ACP7: variants seen among roughly 807,000 people sequenced by gnomAD.
ACP7 encodes acid phosphatase 7, tartrate resistant (putative), also known as acid phosphatase type 7.
A neutral mutation model predicts 60.6 loss-of-function variants in ACP7; 58 were observed. The ratio of observed to expected loss-of-function variants is 0.96; its 90% CI spans 0.77 to 1.19. ACP7 has a LOEUF of 1.19. ACP7 is among the 50% of genes most tolerant of loss of function. ACP7 has a pLI of 0.00. For missense variants in ACP7, 574 were observed against 596.2 expected (o/e 0.96, Z 0.39); for synonymous variants, 237 against 232.6 (o/e 1.02, Z -0.17).
chr19:39,106,937 C>T lies in ACP7; in HGVS notation c.1114-10C>T, dbSNP rs1262827030. On this transcript the variant is annotated splice_polypyrimidine_tract_variant and intron_variant, in intron 11 of 12. Coordinates refer to ENST00000331256, the MANE Select transcript of ACP7 (RefSeq NM_001004318.3). Reference sequence around the variant, plus strand: ...CCTGCTCTGGGTCTGATCAGTTCTCCCCGCCCCAGGGCTGTGAGGAGCGGC... The same window carrying T: ...CCTGCTCTGGGTCTGATCAGTTCTCTCCGCCCCAGGGCTGTGAGGAGCGGC... 1.2e-6 allele frequency: 2 copies of T among 1,613,432 alleles called. No individual in the cohort carries two copies. Among genetic ancestry groups the T allele is most frequent in the South Asian group, 2.2e-5 (2 of 91,024 alleles).
chr19:39,085,502 C>G, intron 2 of ACP7, 112 bp downstream of exon 2: 1 of 1,338,764 alleles, frequency 7.5e-7, no homozygotes, highest in East Asian at 2.5e-5. Context: ...TGGCTCATTC[C>G]TCCTGAGCCT....
intron 2 of ACP7, among the ~76,000 whole-genome samples, chr19:39,086,490 G>C (rs1298657454): frequency 6.6e-6 from 1 of 150,620 alleles, no homozygotes; most frequent in African/African-American, 2.4e-5. Flanking sequence ...AAATTAGCTG[G>C]GCATGGTGGC....
chr19:39,101,537 T>C lies in ACP7; in HGVS notation c.1113T>C (p.Ala371=), dbSNP rs1393218311. 6.8e-6 allele frequency: 11 copies of C among 1,613,680 alleles called. No individual in the cohort carries two copies. Among genetic ancestry groups the C allele is most frequent in the Non-Finnish European group, 7.6e-6 (9 of 1,179,882 alleles). Residue 371 remains alanine, a splice_region_variant and synonymous_variant, in exon 11 of 13, where the codon GCT becomes GCC. Coordinates refer to ENST00000331256, the MANE Select transcript of ACP7 (RefSeq NM_001004318.3). ...RGPVHIITGS[A]GCEERLTPFA... ...CTGTCCACATCATCACAGGATCTGC[T>C]GTGAGCAGGGGGAAGGGTGGCTTTG...
Position 39,101,431 on chromosome 19 carries a change from GACTGCCTGCCACCCA to G in ACP7, c.1042-32_1042-18del. The stretch of plus-strand genomic sequence containing the variant: ...AGAAGGCCCAGGCATGGCCTCGAGT[GACTGCCTGCCACCCA>G]ACGTTGTTCCCTTCCCCAGGTATTT... On this transcript the variant is annotated intron_variant, in intron 10 of 12. Transcript: ENST00000331256. 6.2e-7 allele frequency: 1 copy of G among 1,613,686 alleles called. No homozygotes were observed. Among genetic ancestry groups the G allele is most frequent in the Non-Finnish European group, 8.5e-7 (1 of 1,179,614 alleles).
At position 39,098,592 on chromosome 19, in the gene ACP7, A is replaced by C. The variant is rs1262620867; in HGVS notation, c.256A>C (p.Ile86Leu). Reference sequence around the variant, plus strand: ...CTTCGTCCCCTTTGTGGACGGGGGCATTCTCCGGCGGAAGCTCTACATACA... The same window carrying C: ...CTTCGTCCCCTTTGTGGACGGGGGCCTTCTCCGGCGGAAGCTCTACATACA... ...GTFVPFVDGG[I>L]LRRKLYIHRV... Residue 86 changes from isoleucine to leucine, a missense_variant, in exon 3 of 13, where the codon ATT (isoleucine) becomes CTT (leucine). Coordinates refer to ENST00000331256, the MANE Select transcript of ACP7 (RefSeq NM_001004318.3). 2 of 1,613,548 alleles carry C rather than the reference A, an allele frequency of 1.2e-6. No individual in the cohort carries two copies. Among genetic ancestry groups the C allele is most frequent in the Admixed American group, 3.3e-5 (2 of 59,980 alleles).
chr19:39,099,282 G>C, intron 4 of ACP7, 140 bp downstream of exon 4: 1 of 1,017,964 alleles, frequency 9.8e-7, no homozygotes, highest in Non-Finnish European at 1.3e-6. Flanking sequence ...GTGTGTCTCT[G>C]AAGGGACAGG....
chr19:39,094,048 A>T, intron 2 of ACP7, among the ~76,000 whole-genome samples: 1 of 152,310 alleles, frequency 6.6e-6, no homozygotes, highest in Non-Finnish European at 1.5e-5. Flanking sequence ...GCATTTTTGT[A>T]TGGCTGGAGG....
intron 11 of ACP7, among the ~76,000 whole-genome samples, chr19:39,102,723 C>CT (rs1464190496): frequency 1.4e-5 from 1 of 72,350 alleles, no homozygotes; most frequent in African/African-American, 5.0e-5. Context: ...ACTTTTCTTT[C>CT]TTTCTTTCTT....
chr19:39,086,284 G>A (rs529304843), intron 2 of ACP7, among the ~76,000 whole-genome samples: 1 of 149,972 alleles, frequency 6.7e-6, no homozygotes, highest in East Asian at 2.0e-4. Context: ...GCCATGATTG[G>A]CCACTACACT....
At chr19:39,100,166 C>G (rs1366530409) in intron 4 of ACP7, 61 bp from the exon 5 acceptor site, 3 of 1,596,900 alleles carry the variant, frequency 1.9e-6, no homozygotes, top group Non-Finnish European at 8.6e-7. Flanking sequence ...CTGGCTCTCT[C>G]AATTCCAGTG....
At chr19:39,096,219 C>G (rs772008167) in intron 2 of ACP7, among the ~76,000 whole-genome samples, 1 of 152,176 alleles carries the variant, frequency 6.6e-6, no homozygotes, top group Non-Finnish European at 1.5e-5. Context: ...ATTTTCTGAA[C>G]TTTTATGCTC....
intron 12 of ACP7, among the ~76,000 whole-genome samples, chr19:39,109,157 G>A (rs1010120976): frequency 2.0e-5 from 3 of 152,126 alleles, no homozygotes; most frequent in Admixed American, 2.0e-4. Context: ...AATCCCACAG[G>A]AGTGGATTTC....
At chr19:39,098,252 TCAAA>T (rs1182246830) in intron 2 of ACP7, among the ~76,000 whole-genome samples, 2 of 14,436 alleles carry the variant, frequency 1.4e-4, no homozygotes, top group East Asian at 2.2e-3. Context: ...AGACCCTGAC[TCAAA>T]AAAAAAAAAA....
chr19:39,106,143 C>A, intron 11 of ACP7, among the ~76,000 whole-genome samples: 1 of 152,168 alleles, frequency 6.6e-6, no homozygotes, highest in East Asian at 1.9e-4. Context: ...GCTCCTCATG[C>A]CTGGCTTTTC....
intron 2 of ACP7, among the ~76,000 whole-genome samples, chr19:39,087,913 C>A (rs1048154257): frequency 6.6e-6 from 1 of 151,934 alleles, no homozygotes; most frequent in Non-Finnish European, 1.5e-5. Context: ...GGATTACAGG[C>A]GTGAGCCACC....
chr19:39,084,754 A>G (rs1323754465), intron 1 of ACP7, among the ~76,000 whole-genome samples: 2 of 151,928 alleles, frequency 1.3e-5, no homozygotes, highest in African/African-American at 2.4e-5. Flanking sequence ...AAAGCTGGGG[A>G]TGGGGCTGCG....
chr19:39,102,766 T>TC (rs2073367694), intron 11 of ACP7, among the ~76,000 whole-genome samples: 1 of 97,932 alleles, frequency 1.0e-5, no homozygotes, highest in Non-Finnish European at 2.2e-5. Flanking sequence ...TTTCTTTCTT[T>TC]CTCTCTCTCT....
At chr19:39,108,196 G>T (rs188143163) in intron 12 of ACP7, among the ~76,000 whole-genome samples, 38 of 146,442 alleles carry the variant, frequency 2.6e-4, no homozygotes, top group Middle Eastern at 7.3e-3. Context: ...CTGGAATGCA[G>T]TGGTGCAGTC....
chr19:39,094,420 T>C (rs1404334212), intron 2 of ACP7, among the ~76,000 whole-genome samples: 3 of 151,630 alleles, frequency 2.0e-5, no homozygotes, highest in Non-Finnish European at 4.4e-5. Flanking sequence ...GGAGAATCAC[T>C]TCAACCCAGG....
Sources: allele counts gnomAD v4.1 joint callset (sites outside exome capture counted in the v4.1 genomes callset), GRCh38; gene constraint gnomAD v4.1.1; transcripts MANE v1.5; gene names NCBI Gene and HGNC (gene_info 2026-07-23, HGNC 2026-07-21).